Variants in PALD1 observed in about 807,000 individuals in gnomAD.
PALD1 encodes the protein phosphatase domain containing paladin 1.
Under a neutral mutation model 96.0 loss-of-function variants are expected in PALD1, and 57 were observed. The observed-to-expected ratio is 0.59, with a 90% CI of 0.48 to 0.74. The LOEUF is 0.74. Among genes scored for constraint, PALD1 ranks in the 30% least tolerant of loss-of-function variants. The pLI is 0.00. For missense variants in PALD1, 1,063 were observed against 1,143.7 expected, an observed-to-expected ratio of 0.93 and a Z score of 1.02; for synonymous variants, 464 against 473.6, an observed-to-expected ratio of 0.98 and a Z score of 0.26.
At chr10:70,496,001 A>T (rs950337196) in intron 1 of PALD1, among the ~76,000 whole-genome samples, 2 of 151,106 alleles carry the variant, frequency 1.3e-5, no homozygotes, top group African/African-American at 4.9e-5. Context: ...ACAGAGGGAG[A>T]CTCTATCTCA....
chr10:70,519,000 C>G (rs1421944445), intron 1 of PALD1, among the ~76,000 whole-genome samples: 1 of 152,246 alleles, frequency 6.6e-6, no homozygotes, highest in Non-Finnish European at 1.5e-5. Flanking sequence ...GAAAGGAGCC[C>G]TGAGTCCCAA....
chr10:70,500,385 C>T (rs967708798), intron 1 of PALD1, among the ~76,000 whole-genome samples: 4 of 152,180 alleles, frequency 2.6e-5, no homozygotes, highest in African/African-American at 9.7e-5. Context: ...CCCCGCAGAG[C>T]AACACCTAAG....
intron 18 of PALD1, among the ~76,000 whole-genome samples, chr10:70,561,840 A>G (rs1353975546): frequency 6.6e-6 from 1 of 152,054 alleles, no homozygotes; most frequent in African/African-American, 2.4e-5. Flanking sequence ...CCGCCACTCA[A>G]GGCACCATTC....
At chr10:70,467,476 G>C in the PALD1 span, among the ~76,000 whole-genome samples, 2 of 152,168 alleles carry the variant, frequency 1.3e-5, no homozygotes, top group Non-Finnish European at 2.9e-5. Context: ...CTGAGAAGTG[G>C]ATGTCGGGTT....
chr10:70,537,827 A>G lies in PALD1; in HGVS notation c.1244A>G (p.His415Arg). The G allele has an allele frequency of 6.2e-7, 1 of 1,612,950 alleles. No individual in the cohort carries two copies. Among genetic ancestry groups the G allele is most frequent in the Non-Finnish European group, 8.5e-7 (1 of 1,179,166 alleles). ...CTCTCTCAGGGAAGCGGCAGCCGAC[A>G]CAGCGTCTGGCAGAGGGCGCTGTGG... ...ESPAQGSGSR[H>R]SVWQRALWSL... Residue 415 changes from histidine (H) to arginine (R), a missense_variant, in exon 11 of 20, where the codon CAC becomes CGC. Coordinates refer to ENST00000263563, the MANE Select transcript of PALD1 (RefSeq NM_014431.3).
intron 1 of PALD1, among the ~76,000 whole-genome samples, chr10:70,508,665 G>A (rs796595027): frequency 2.0e-5 from 3 of 152,190 alleles, no homozygotes; most frequent in African/African-American, 7.2e-5. Context: ...CCGGCCACCC[G>A]TGGACCCCAG....
intron 10 of PALD1, 121 bp downstream of exon 10, chr10:70,534,964 A>G (rs935482442): frequency 5.4e-5 from 38 of 700,582 alleles, no homozygotes; most frequent in African/African-American, 4.8e-4. Context: ...GTCTCCCATG[A>G]GAAGAGCAGT....
chr10:70,546,438 G>A (rs940519634), intron 17 of PALD1, among the ~76,000 whole-genome samples: 4 of 151,976 alleles, frequency 2.6e-5, no homozygotes, highest in African/African-American at 9.7e-5. Flanking sequence ...TATTTCTAAT[G>A]TAAACCACTT....
chr10:70,494,559 G>A (rs777636772), intron 1 of PALD1, among the ~76,000 whole-genome samples: 2 of 152,220 alleles, frequency 1.3e-5, no homozygotes, highest in South Asian at 2.1e-4. Context: ...GAACAGTCAC[G>A]TGAACCTCGT....
intron 1 of PALD1, among the ~76,000 whole-genome samples, chr10:70,500,980 C>T (rs545856197): frequency 3.3e-4 from 50 of 152,308 alleles, no homozygotes; most frequent in African/African-American, 1.2e-3. Flanking sequence ...TCCTGGCTCC[C>T]ATGACCCCAC....
chr10:70,566,211 T>C (rs1847848585), intron 19 of PALD1, among the ~76,000 whole-genome samples: 1 of 152,146 alleles, frequency 6.6e-6, no homozygotes, highest in Admixed American at 6.5e-5. Context: ...GCCATAGCCT[T>C]ACCTGCCCCT....
intron 17 of PALD1, among the ~76,000 whole-genome samples, chr10:70,545,844 C>T (rs1847350837): frequency 6.6e-6 from 1 of 152,100 alleles, no homozygotes; most frequent in Non-Finnish European, 1.5e-5. Context: ...CTTACACCCC[C>T]TCCTCACCCC....
chr10:70,484,225 A>G (rs1459247018), intron 1 of PALD1, among the ~76,000 whole-genome samples: 5 of 152,010 alleles, frequency 3.3e-5, no homozygotes, highest in Non-Finnish European at 7.4e-5. Flanking sequence ...CTGGTCTCAA[A>G]CTCCTGATCT....
At chr10:70,511,372 C>T (rs1273830738) in intron 1 of PALD1, among the ~76,000 whole-genome samples, 1 of 152,138 alleles carries the variant, frequency 6.6e-6, no homozygotes, top group African/African-American at 2.4e-5. Context: ...TTCAAGGGCT[C>T]ATGGTTCAAG....
At position 70,539,617 on chromosome 10, in the gene PALD1, C is replaced by T; in HGVS notation, c.1763C>T (p.Pro588Leu). The change falls in exon 15 of 20, where the codon CCT (proline) becomes CTT (leucine). Residue 588 changes from proline (P) to leucine (L), a missense_variant. Pro to Leu is a moderately conservative substitution (Grantham distance 98). Coordinates refer to ENST00000263563, the MANE Select transcript of PALD1 (RefSeq NM_014431.3). This position sits in a 1 kb window ranked among gnomAD's most constrained non-coding sequence, Gnocchi z 4.5. ...EAQLKAHLSE[P>L]PPGKEGPLTY... ...CAGCTGAAGGCCCATCTAAGCGAGC[C>T]TCCCCCAGGCAAGGAGGGCCCCCTG... is the stretch of plus-strand genomic sequence containing the variant. 6.2e-7 allele frequency: 1 copy of T among 1,612,856 alleles called. No individual in the cohort carries two copies. Among genetic ancestry groups the T allele is most frequent in the Non-Finnish European group, 8.5e-7 (1 of 1,179,456 alleles).
chr10:70,534,970 G>C, intron 10 of PALD1, 127 bp downstream of exon 10: 1 of 683,728 alleles, frequency 1.5e-6, no homozygotes, highest in Non-Finnish European at 2.6e-6. Flanking sequence ...CATGAGAAGA[G>C]CAGTTTTCAG....
chr10:70,511,705 A>T (rs1485601777), intron 1 of PALD1, among the ~76,000 whole-genome samples: 3 of 152,190 alleles, frequency 2.0e-5, no homozygotes, highest in Non-Finnish European at 4.4e-5. Flanking sequence ...TGTGAAACAG[A>T]TAAAACTCAC....
At chr10:70,494,018 A>G (rs562839997) in intron 1 of PALD1, among the ~76,000 whole-genome samples, 1 of 152,208 alleles carries the variant, frequency 6.6e-6, no homozygotes, top group Non-Finnish European at 1.5e-5. Context: ...GGACACCATC[A>G]TCCAATACCC....
In PALD1 at chr10:70,532,635, C is replaced by A; in HGVS notation, c.648C>A (p.Ala216=). The A allele has an allele frequency of 6.2e-7, 1 of 1,614,104 alleles. No homozygotes were observed. Among genetic ancestry groups the A allele is most frequent in the Non-Finnish European group, 8.5e-7 (1 of 1,179,986 alleles). The part of the protein sequence containing the change: ...LAIRKEIHDF[A]QLSENTYHVY... The stretch of plus-strand genomic sequence containing the variant: ...CCTCCCTCTAGATCCACGACTTTGC[C>A]CAGCTGAGCGAGAACACATACCATG... Residue 216 remains alanine (A), a synonymous_variant, in exon 6 of 20, where the codon GCC becomes GCA. Transcript: ENST00000263563.
Sources: allele counts gnomAD v4.1 joint callset (sites outside exome capture counted in the v4.1 genomes callset), GRCh38; gene constraint gnomAD v4.1.1; non-coding constraint Gnocchi (gnomAD v3.1); transcripts MANE v1.5; gene names NCBI Gene and HGNC (gene_info 2026-07-23, HGNC 2026-07-21).